Variants in ERBB3 observed in about 807,000 individuals in gnomAD.
ERBB3 encodes the protein erb-b2 receptor tyrosine kinase 3.
Under a neutral mutation model 156.7 loss-of-function variants are expected in ERBB3, and 96 were observed. That is an observed-to-expected ratio of 0.61 (90% CI 0.52 to 0.73). The LOEUF is 0.73. ERBB3 is among the 30% of genes least tolerant of loss of function. The pLI is 0.00. For missense variants in ERBB3, 1,406 were observed against 1,709.4 expected (o/e 0.82, Z 3.13); for synonymous variants, 567 against 632.0 (o/e 0.90, Z 1.54).
At chr12:56,090,245 C>G (rs930352834) in intron 9 of ERBB3, among the ~76,000 whole-genome samples, 3 of 152,042 alleles carry the variant, frequency 2.0e-5, no homozygotes, top group Admixed American at 2.0e-4. Context: ...AGTGATCCAC[C>G]CGCCCCAGCT....
At chr12:56,100,557 G>C (rs184485935) in intron 26 of ERBB3, among the ~76,000 whole-genome samples, 2 of 150,968 alleles carry the variant, frequency 1.3e-5, no homozygotes, top group Admixed American at 1.3e-4. Context: ...CAGGAGAATC[G>C]CTTGAACCCG....
chr12:56,100,317 C>T (rs1015747837), intron 26 of ERBB3, 72 bp downstream of exon 26: 2 of 1,265,004 alleles, frequency 1.6e-6, no homozygotes, highest in Admixed American at 1.7e-5. Flanking sequence ...CATTAGAAAC[C>T]TCTGAGGTTT....
chr12:56,095,415 G>A lies in ERBB3; in HGVS notation c.1913+105G>A, dbSNP rs2136814841. 4 of 1,019,244 alleles carry A rather than the reference G, an allele frequency of 3.9e-6. No homozygotes were observed. In the East Asian group the frequency reaches 9.5e-5, roughly 24 times the overall value. 63.1% of individuals were successfully genotyped at this position (1,019,244 alleles called of 1,614,324 possible). A position where few individuals can be genotyped will look rare whatever the true frequency, so the allele number is the denominator to read the frequency against. ...GGCTGTCTTCATTCTGGCCTTTTAT[G>A]TATGCAGTCCACTATCACTGGACAC... On this transcript the variant is annotated intron_variant, in intron 16 of 27. Transcript: ENST00000267101.
chr12:56,097,000 T>C (rs1421602944), intron 19 of ERBB3, 45 bp from the exon 20 acceptor site: 2 of 1,596,418 alleles, frequency 1.3e-6, no homozygotes, highest in African/African-American at 1.3e-5. Flanking sequence ...GCTGAGTGTA[T>C]GTGAACCTGT....
chr12:56,088,168 T>C lies in ERBB3; in HGVS notation c.874+6T>C. The C allele has an allele frequency of 1.2e-6, 2 of 1,613,874 alleles. No homozygotes were observed. Among genetic ancestry groups the C allele is most frequent in the East Asian group, 2.2e-5 (1 of 44,876 alleles). ...TTGTGTAGCCAGCTGTCCCCGTAAG[T>C]GTCTGAGGGGAAGGAACAATGATCA... On this transcript the variant is annotated splice_donor_region_variant and intron_variant, in intron 7 of 27. Transcript: ENST00000267101.
intron 23 of ERBB3, 148 bp from the exon 24 acceptor site, chr12:56,099,500 T>C (rs1869013875): frequency 2.8e-6 from 2 of 711,418 alleles, no homozygotes; most frequent in East Asian, 2.6e-5. Flanking sequence ...GGTTTCACTA[T>C]GTTGGCCAGG....
chr12:56,095,738 T>C lies in ERBB3; in HGVS notation c.1987T>C (p.Phe663Leu). 1.9e-6 allele frequency: 3 copies of C among 1,614,230 alleles called. No individual in the cohort carries two copies. The highest frequency in any genetic ancestry group is 2.5e-6 in the Non-Finnish European group (3 of 1,180,038). Reference protein sequence around the residue: ...VVIFMMLGGTFLYWRGRRIQN... With the variant: ...VVIFMMLGGTLLYWRGRRIQN... ...GATTTTCATGATGCTGGGCGGCACT[T>C]TTCTCTACTGGCGTGGGCGCCGGAT... Residue 663 changes from phenylalanine (F) to leucine (L), a missense_variant, in exon 17 of 28, where the codon TTT becomes CTT. Phe to Leu is a conservative substitution (Grantham distance 22, BLOSUM62 0). Transcript: ENST00000267101.
upstream of ERBB3, chr12:56,080,144 A>ACTCCGG (rs1199067796): frequency 4.1e-5 from 28 of 675,734 alleles, no homozygotes; most frequent in Non-Finnish European, 7.2e-5. Context: ...CCCTCCCCGG[A>ACTCCGG]CTCCGGCTCC....
At chr12:56,085,486 T>A in intron 3 of ERBB3, 1 of 1,318,328 alleles carries the variant, frequency 7.6e-7, no homozygotes, top group Non-Finnish European at 9.7e-7. Flanking sequence ...GGCTTACACC[T>A]GTAATCCCAG....
rs755294151 is a variant in ERBB3, at chr12:56,101,785, C to T, written c.3759C>T (p.Gly1253=). The T allele has an allele frequency of 3.8e-5, 61 of 1,613,440 alleles. 1 individual carries two copies. In the South Asian group the frequency reaches 6.3e-4, roughly 17 times the overall value. ...LHPVPIMPTA[G]TTPDEDYEYM... ...CTGTACCCATCATGCCCACTGCAGG[C>T]ACAACTCCAGATGAAGACTATGAAT... Residue 1253 remains glycine, a synonymous_variant, in exon 28 of 28, where the codon GGC becomes GGT. Coordinates refer to ENST00000267101, the MANE Select transcript of ERBB3 (RefSeq NM_001982.4).
Position 56,096,611 on chromosome 12 carries a change from AC to A in ERBB3, c.2165del (p.Thr722MetfsTer35). 6.2e-7 allele frequency: 1 copy of A among 1,614,170 alleles called. No individual in the cohort carries two copies. Among genetic ancestry groups the A allele is most frequent in the Non-Finnish European group, 8.5e-7 (1 of 1,180,018 alleles). On this transcript the variant is annotated frameshift_variant, in exon 18 of 28. Transcript: ENST00000267101. LOFTEE classifies it high-confidence loss of function. ...AGTGCTTGGCTCGGGTGTCTTTGGA[AC>A]TGTGCACAAAGTGAGTGACCCATAG... The part of the protein sequence containing the change: ...LKVLGSGVFG[T>X]VHKGVWIPEG...
Position 56,102,072 on chromosome 12 carries a change from C to T in ERBB3, c.*17C>T, listed in dbSNP as rs1230226208. 2 of 1,599,184 alleles carry T rather than the reference C, an allele frequency of 1.3e-6. No homozygotes were observed. Among genetic ancestry groups the T allele is most frequent in the East Asian group, 2.2e-5 (1 of 44,880 alleles). On this transcript the variant is annotated 3_prime_UTR_variant, in exon 28 of 28. Transcript: ENST00000267101. ...AGAACGTAACTCCTGCTCCCTGTGG[C>T]ACTCAGGGAGCATTTAATGGCAGCT...
intron 20 of ERBB3, 102 bp from the exon 21 acceptor site, chr12:56,097,682 TG>T: frequency 8.2e-7 from 1 of 1,224,638 alleles, no homozygotes; most frequent in South Asian, 1.2e-5. Flanking sequence ...CAAAAAAGGT[TG>T]GGGACCACTG....
In ERBB3 at chr12:56,101,596, A is replaced by AGAAGAT. The variant is rs1196729022; in HGVS notation, c.3579_3584dup (p.Asp1194_Glu1195dup). 3 of 1,613,918 alleles carry AGAAGAT rather than the reference A, an allele frequency of 1.9e-6. No individual in the cohort carries two copies. The highest frequency in any genetic ancestry group is 2.2e-5 in the East Asian group (1 of 44,888). On this transcript the variant is annotated inframe_insertion, in exon 28 of 28. Transcript: ENST00000267101. ...TCAGTTCTGTCCTGGGTACTGAAGA[A>AGAAGAT]GAAGATGAAGATGAGGAGTATGAAT... is the stretch of plus-strand genomic sequence containing the variant.
intron 20 of ERBB3, 84 bp from the exon 21 acceptor site, chr12:56,097,701 G>A (rs1868934659): frequency 2.1e-6 from 3 of 1,423,794 alleles, no homozygotes; most frequent in Non-Finnish European, 3.0e-6. Context: ...CTGCTGAGAG[G>A]TACCTTCAAG....
chr12:56,082,205 G>A (rs1156416998), intron 1 of ERBB3, among the ~76,000 whole-genome samples: 1 of 152,188 alleles, frequency 6.6e-6, no homozygotes, highest in Non-Finnish European at 1.5e-5. Flanking sequence ...CAGGACCAAT[G>A]TGTACGTGTT....
At chr12:56,098,716 TCTA>T (rs1354422702) in intron 22 of ERBB3, 40 bp from the exon 23 acceptor site, 3 of 1,612,178 alleles carry the variant, frequency 1.9e-6, no homozygotes, top group Non-Finnish European at 2.5e-6. Flanking sequence ...CATGCCCATG[TCTA>T]CTATTTTGCC....
intron 22 of ERBB3, 49 bp from the exon 23 acceptor site, chr12:56,098,710 C>T (rs1868979773): frequency 6.2e-7 from 1 of 1,608,590 alleles, no homozygotes; most frequent in South Asian, 1.1e-5. Flanking sequence ...TCACTTCATG[C>T]CCATGTCTAC....
In ERBB3 at chr12:56,095,297, C is replaced by G. The variant is rs778783934; in HGVS notation, c.1900C>G (p.Leu634Val). ...GCTTCAAGACTGTTTAGGACAAACA[C>G]TGGTGCTGATCGGGTATGATGGGGT... is the stretch of plus-strand genomic sequence containing the variant. ...PELQDCLGQT[L>V]VLIGKTHLTM... Residue 634 changes from leucine (L) to valine (V), a missense_variant, in exon 16 of 28, where the codon CTG becomes GTG. Physicochemically the swap from Leu to Val is conservative, Grantham distance 32 (BLOSUM62 1). This residue lies in a region of ERBB3 where 979 missense variants were observed against 1,219.6 expected (regional missense o/e 0.80). Transcript: ENST00000267101. 1.9e-6 allele frequency: 3 copies of G among 1,613,592 alleles called. No homozygotes were observed. The African/African-American group carries it at 4.0e-5, about 22-fold the overall frequency.
Sources: gnomAD v4.1 joint callset for allele counts (sites outside exome capture counted in the v4.1 genomes callset) on GRCh38, gnomAD v4.1.1 for gene constraint, gnomAD v4.1.1 regional missense constraint, MANE v1.5 for transcripts, NCBI Gene and HGNC (gene_info 2026-07-23, HGNC 2026-07-21) for gene names.